The following TSGA10 variants were observed in gnomAD, a reference collection of about 807,000 sequenced individuals.
TSGA10 encodes the protein testis-specific gene 10 protein.
In TSGA10, 43 loss-of-function variants were observed where a neutral mutation model predicts 96.6. That is an observed-to-expected ratio of 0.44 (90% CI 0.35 to 0.57). The LOEUF (loss-of-function observed/expected upper bound fraction) is 0.57, where lower values mean the gene tolerates loss of function less well. Ranked by LOEUF, TSGA10 falls within the 20% of genes least tolerant of loss-of-function variation. The pLI is 0.01. For synonymous variants in TSGA10, 229 were observed against 269.9 expected (o/e 0.85, Z 1.48); for missense variants, 703 against 834.4 (o/e 0.84, Z 1.94).
At chr2:99,072,901 G>C in intron 13 of TSGA10, 117 bp downstream of exon 13, 2 of 642,658 alleles carry the variant, frequency 3.1e-6, no homozygotes, top group Non-Finnish European at 5.3e-6. Flanking sequence ...CTCCTTTGAT[G>C]AGAGAGTTAG....
At chr2:99,016,922 G>A (rs868714180) in intron 20 of TSGA10, among the ~76,000 whole-genome samples, 18 of 152,106 alleles carry the variant, frequency 1.2e-4, no homozygotes, top group African/African-American at 4.3e-4. Context: ...CTAATTATCA[G>A]GGAAATGCAA....
chr2:99,094,589 A>C (rs1169539207), intron 10 of TSGA10, among the ~76,000 whole-genome samples: 1 of 152,262 alleles, frequency 6.6e-6, no homozygotes, highest in Non-Finnish European at 1.5e-5. Flanking sequence ...AAGTGGGCTA[A>C]GGACATGAAT....
In TSGA10 at chr2:99,018,171, C is replaced by G. The variant is rs145520463; in HGVS notation, c.2072+29G>C. 4.8e-4 allele frequency: 776 copies of G among 1,612,872 alleles called. 4 individuals carry two copies. The African/African-American group carries it at 9.4e-3, about 20-fold the overall frequency. ...TATACTAGATACTGCTATTTGATCT[C>G]AAGAGAATGGATCCTTAAATAGACT... On this transcript the variant is annotated intron_variant, in intron 20 of 20. Transcript: ENST00000393483.
chr2:99,110,449 T>C (rs1052372436), intron 5 of TSGA10, among the ~76,000 whole-genome samples: 4 of 152,242 alleles, frequency 2.6e-5, no homozygotes, highest in African/African-American at 9.6e-5. Context: ...TCATTTCACA[T>C]TGTTAGATAA....
chr2:99,031,605 T>A (rs1462232408), intron 17 of TSGA10, among the ~76,000 whole-genome samples: 1 of 152,138 alleles, frequency 6.6e-6, no homozygotes, highest in African/African-American at 2.4e-5. Context: ...GCAAACCACA[T>A]GTCTGATAAA....
intron 16 of TSGA10, among the ~76,000 whole-genome samples, chr2:99,060,343 T>C (rs994299696): frequency 1.3e-5 from 2 of 152,038 alleles, no homozygotes; most frequent in African/African-American, 4.8e-5. Context: ...ATAAGAGCCA[T>C]AAAAAACCCC....
chr2:99,091,313 C>A (rs1389825684), intron 10 of TSGA10, among the ~76,000 whole-genome samples: 3 of 152,248 alleles, frequency 2.0e-5, no homozygotes, highest in African/African-American at 7.2e-5. Context: ...TCAAACAGAA[C>A]CTCCTTAAAG....
chr2:99,135,500 T>A (rs896678780), intron 1 of TSGA10, among the ~76,000 whole-genome samples: 16 of 152,248 alleles, frequency 1.1e-4, no homozygotes, highest in Non-Finnish European at 2.4e-4. Flanking sequence ...TTTAATTTAT[T>A]CTTTATTTTT....
intron 14 of TSGA10, among the ~76,000 whole-genome samples, chr2:99,069,318 G>T (rs1233105615): frequency 2.0e-5 from 3 of 152,090 alleles, no homozygotes; most frequent in African/African-American, 7.2e-5. Flanking sequence ...CTATGGTAAA[G>T]AATGGGCATT....
chr2:99,040,487 C>T (rs2082081768), intron 16 of TSGA10, among the ~76,000 whole-genome samples: 1 of 152,068 alleles, frequency 6.6e-6, no homozygotes. Flanking sequence ...AAATCAAGAA[C>T]TCAACTCCTT....
intron 1 of TSGA10, among the ~76,000 whole-genome samples, chr2:99,135,314 A>G (rs1448785411): frequency 6.6e-6 from 1 of 152,160 alleles, no homozygotes; most frequent in African/African-American, 2.4e-5. Context: ...CAGTCTGGCT[A>G]CAGCAGCTTA....
intron 10 of TSGA10, among the ~76,000 whole-genome samples, chr2:99,103,525 C>T (rs148813266): frequency 1.3e-5 from 2 of 152,280 alleles, no homozygotes; most frequent in African/African-American, 2.4e-5. Context: ...TGCTCCATCA[C>T]GTGCTCCTAT....
intron 12 of TSGA10, among the ~76,000 whole-genome samples, chr2:99,076,774 G>A (rs141923315): frequency 1.3e-4 from 20 of 152,212 alleles, no homozygotes; most frequent in African/African-American, 4.6e-4. Context: ...CACTTAAGCT[G>A]TTCAACCTGT....
intron 16 of TSGA10, among the ~76,000 whole-genome samples, chr2:99,051,420 G>A (rs1390612165): frequency 6.6e-6 from 1 of 152,054 alleles, no homozygotes; most frequent in Non-Finnish European, 1.5e-5. Context: ...AAGGGTCAAG[G>A]CCATCAGAAA....
chr2:99,046,578 T>A (rs199528131), intron 16 of TSGA10, among the ~76,000 whole-genome samples: 1 of 152,144 alleles, frequency 6.6e-6, no homozygotes, highest in African/African-American at 2.4e-5. Flanking sequence ...AAGCAGTGTG[T>A]AGAGGGAAAT....
rs79932082 is a variant in TSGA10 at position 99,114,508 on chromosome 2, T to A, written c.-140+3036A>T. 3.3e-3 allele frequency among the ~76,000 whole-genome samples: 509 copies of A among 152,292 alleles called. 18 individuals are homozygous for A. In the East Asian group the frequency reaches 0.071, roughly 21 times the overall value. On this transcript the variant is annotated intron_variant, in intron 4 of 20. Coordinates refer to ENST00000393483, the MANE Select transcript of TSGA10 (RefSeq NM_025244.4). ...TTTTTCCTGTGTCAGCAATGGTATC[T>A]CTACTCCAAGACTTACTGCTTACCT...
intron 12 of TSGA10, among the ~76,000 whole-genome samples, chr2:99,077,783 C>T (rs2086901460): frequency 6.6e-6 from 1 of 151,726 alleles, no homozygotes; most frequent in Admixed American, 6.6e-5. Context: ...AGGTTGGTCT[C>T]GAACTCCTGA....
intron 17 of TSGA10, 33 bp downstream of exon 17, chr2:99,035,197 C>T: frequency 1.4e-6 from 2 of 1,473,596 alleles, no homozygotes; most frequent in Non-Finnish European, 1.8e-6. Context: ...ACAGTAATAG[C>T]AATTTTAAAG....
chr2:99,105,010 TA>T (rs2091190453), intron 9 of TSGA10, among the ~76,000 whole-genome samples: 1 of 152,196 alleles, frequency 6.6e-6, no homozygotes, highest in Admixed American at 6.5e-5. Context: ...TTTCTCTCCT[TA>T]TCCACTCTTT....
Sources: allele counts gnomAD v4.1 joint callset (sites outside exome capture counted in the v4.1 genomes callset), GRCh38; gene constraint gnomAD v4.1.1; transcripts MANE v1.5; gene names NCBI Gene and HGNC (gene_info 2026-07-23, HGNC 2026-07-21).